The following AFF3 variants were observed in gnomAD, a reference collection of about 807,000 sequenced individuals.
The protein encoded by AFF3 is ALF transcription elongation factor 3.
In AFF3, 32 loss-of-function variants were observed where a neutral mutation model predicts 129.7. The observed-to-expected ratio is 0.25, with a 90% confidence interval of 0.19 to 0.33. The LOEUF (loss-of-function observed/expected upper bound fraction) is 0.33, where lower values mean the gene tolerates loss of function less well. Ranked by LOEUF, AFF3 falls within the 10% of genes least tolerant of loss-of-function variation. The probability of loss-of-function intolerance (pLI) is 1.00; values close to 1 mark genes in which losing one functional copy is unlikely to be tolerated. For missense variants in AFF3, 1,373 were observed against 1,592.0 expected (o/e 0.86, Z 2.34); for synonymous variants, 644 against 635.4 (o/e 1.01, Z -0.20).
chr2:100,105,858 C>G (rs1275809973), intron 2 of AFF3: 1 of 1,336,706 alleles, frequency 7.5e-7, no homozygotes, highest in Non-Finnish European at 9.9e-7. Context: ...GCAGTTGTGC[C>G]TCACCACGCG....
intron 7 of AFF3, among the ~76,000 whole-genome samples, chr2:99,975,838 G>A (rs371368823): frequency 7.2e-5 from 7 of 96,664 alleles, no homozygotes; most frequent in African/African-American, 2.9e-4. Flanking sequence ...ATTCTGGAAA[G>A]GCACAGCCAT....
intron 11 of AFF3, among the ~76,000 whole-genome samples, chr2:99,711,681 G>C (rs895310094): frequency 6.6e-6 from 1 of 152,204 alleles, no homozygotes; most frequent in African/African-American, 2.4e-5. Context: ...ATGTGTTCCA[G>C]CCATCCTTTG....
intron 4 of AFF3, among the ~76,000 whole-genome samples, chr2:100,086,447 G>A (rs1227808043): frequency 1.3e-5 from 2 of 152,048 alleles, no homozygotes; most frequent in Non-Finnish European, 2.9e-5. Context: ...CTTGAACCTG[G>A]GAGGCAGAGG....
intron 4 of AFF3, among the ~76,000 whole-genome samples, chr2:100,019,278 G>A (rs1259222870): frequency 6.6e-6 from 1 of 152,202 alleles, no homozygotes; most frequent in Non-Finnish European, 1.5e-5. Context: ...TGGTTGAAAT[G>A]GGGTTTCTGA....
chr2:99,602,797 A>G (rs1344529589), intron 13 of AFF3, among the ~76,000 whole-genome samples: 1 of 152,152 alleles, frequency 6.6e-6, no homozygotes, highest in Non-Finnish European at 1.5e-5. Context: ...TGTTTCACCC[A>G]TCCCTTAAAT....
At chr2:99,574,754 C>T (rs953650736) in intron 18 of AFF3, among the ~76,000 whole-genome samples, 8 of 152,220 alleles carry the variant, frequency 5.3e-5, no homozygotes, top group African/African-American at 1.9e-4. Flanking sequence ...AGTGTGGCAT[C>T]TGTTACTTTT....
intron 7 of AFF3, among the ~76,000 whole-genome samples, chr2:99,925,860 G>A (rs1696202906): frequency 6.6e-6 from 1 of 152,220 alleles, no homozygotes; most frequent in Non-Finnish European, 1.5e-5. Context: ...AAGCCAACAA[G>A]TTGAACTTCC....
At chr2:99,765,487 T>C (rs1682934815) in intron 8 of AFF3, among the ~76,000 whole-genome samples, 1 of 152,226 alleles carries the variant, frequency 6.6e-6, no homozygotes, top group Non-Finnish European at 1.5e-5. Flanking sequence ...GGCCTTGCCA[T>C]AAACCAGCAG....
chr2:99,649,542 T>A, intron 13 of AFF3, 84 bp downstream of exon 13: 1 of 1,458,708 alleles, frequency 6.9e-7, no homozygotes, highest in Non-Finnish European at 9.5e-7. Context: ...AGGGACAAAA[T>A]CCGATTATGA....
intron 9 of AFF3, among the ~76,000 whole-genome samples, chr2:99,750,417 T>G (rs1029699042): frequency 4.1e-5 from 4 of 98,016 alleles, no homozygotes; most frequent in Non-Finnish European, 7.2e-5. Context: ...TTTTTTCTTT[T>G]CTTTTTTTTT....
chr2:99,638,978 G>C (rs1428642762), intron 13 of AFF3, among the ~76,000 whole-genome samples: 1 of 152,182 alleles, frequency 6.6e-6, no homozygotes, highest in African/African-American at 2.4e-5. Flanking sequence ...ACATTGACTT[G>C]AATGGGTTAA....
intron 7 of AFF3, among the ~76,000 whole-genome samples, chr2:99,943,942 G>T (rs1293008936): frequency 2.0e-5 from 3 of 150,078 alleles, no homozygotes; most frequent in South Asian, 2.1e-4. Context: ...ACAGGGTTTT[G>T]CCCAGGCTGG....
At chr2:99,869,041 TCTGC>T (rs1691656351) in intron 7 of AFF3, among the ~76,000 whole-genome samples, 3 of 152,058 alleles carry the variant, frequency 2.0e-5, no homozygotes, top group Admixed American at 2.0e-4. Flanking sequence ...TCCCTCTGCC[TCTGC>T]CTCTGCCTCC....
At chr2:99,774,943 C>A (rs1031349218) in intron 8 of AFF3, among the ~76,000 whole-genome samples, 1 of 152,178 alleles carries the variant, frequency 6.6e-6, no homozygotes, top group Admixed American at 6.5e-5. Context: ...AGGACATGAA[C>A]AGACACTTCT....
At chr2:99,819,235 CT>C in intron 8 of AFF3, among the ~76,000 whole-genome samples, 1 of 152,268 alleles carries the variant, frequency 6.6e-6, no homozygotes, top group South Asian at 2.1e-4. Context: ...CAAATTAAAG[CT>C]AAGTTGTAAA....
intron 8 of AFF3, among the ~76,000 whole-genome samples, chr2:99,809,081 AC>A (rs1686587109): frequency 1.3e-5 from 2 of 152,216 alleles, no homozygotes; most frequent in Admixed American, 6.5e-5. Context: ...GTGCACTCTT[AC>A]GTCTTTTCAA....
rs2104414183 is a variant in AFF3, at chr2:99,546,044, G to A, written c.*5430C>T. The A allele has an allele frequency of 4.4e-6, 1 of 226,532 alleles. No individual in the cohort carries two copies. Among genetic ancestry groups the A allele is most frequent in the South Asian group, 1.8e-4 (1 of 5,466 alleles). The allele number at this position is 226,532 out of a possible 1,614,324, so 14.0% of individuals were successfully genotyped here. On this transcript the variant is annotated 3_prime_UTR_variant, in exon 25 of 25. Coordinates refer to ENST00000672756, the MANE Select transcript of AFF3 (RefSeq NM_001386135.1). Reference sequence around the variant, plus strand: ...TGTGCTCTTCTGAGAATGGGAAAATGAGGACATAAACTCTGGTTCCAAATG... The same window carrying A: ...TGTGCTCTTCTGAGAATGGGAAAATAAGGACATAAACTCTGGTTCCAAATG...
intron 13 of AFF3, among the ~76,000 whole-genome samples, chr2:99,649,280 A>G (rs935239496): frequency 6.6e-6 from 1 of 152,200 alleles, no homozygotes; most frequent in African/African-American, 2.4e-5. Flanking sequence ...TCTGAAGAAA[A>G]CATCTCAAAA....
intron 18 of AFF3, among the ~76,000 whole-genome samples, chr2:99,572,296 C>G (rs1339728229): frequency 6.0e-5 from 7 of 116,608 alleles, no homozygotes; most frequent in Admixed American, 1.6e-4. Flanking sequence ...TCCCACCACC[C>G]CCCCCCCCCC....
Sources: allele counts gnomAD v4.1 joint callset (sites outside exome capture counted in the v4.1 genomes callset), GRCh38; gene constraint gnomAD v4.1.1; transcripts MANE v1.5; gene names NCBI Gene and HGNC (gene_info 2026-07-23, HGNC 2026-07-21).